DOCK11: variants seen among roughly 807,000 people sequenced by gnomAD.
The protein encoded by DOCK11 is dedicator of cytokinesis protein 11.
DOCK11 carries 70 observed loss-of-function variants against 169.1 expected under a neutral mutation model. The observed-to-expected ratio is 0.41, with a 90% CI of 0.34 to 0.51. The LOEUF (loss-of-function observed/expected upper bound fraction) is 0.51, where lower values mean the gene tolerates loss of function less well. Ranked by LOEUF, DOCK11 falls within the 20% of genes least tolerant of loss-of-function variation. The pLI is 0.10. For missense variants in DOCK11, 1,166 were observed against 1,538.8 expected (o/e 0.76, Z 4.05); for synonymous variants, 529 against 541.3 (o/e 0.98, Z 0.32).
At chrX:118,520,123 A>G (rs1038554975) in intron 1 of DOCK11, among the ~76,000 whole-genome samples, 3 of 112,416 alleles carry the variant, frequency 2.7e-5, no homozygotes, top group Admixed American at 1.9e-4. Flanking sequence ...GTCAGAAGAC[A>G]CTGGGAAATG....
intron 41 of DOCK11, among the ~76,000 whole-genome samples, chrX:118,649,329 C>T (rs1168309000): frequency 9.0e-6 from 1 of 111,027 alleles, no homozygotes; most frequent in African/African-American, 3.3e-5. Flanking sequence ...TAGAAGATCT[C>T]AATTGTTTTA....
chrX:118,624,727 CT>C, intron 32 of DOCK11, 72 bp downstream of exon 32: 5 of 525,951 alleles, frequency 9.5e-6, no homozygotes, highest in Non-Finnish European at 1.5e-5. Context: ...GGGTCATATG[CT>C]ATATGATCTC....
Position 118,542,715 on chromosome X carries a change from T to A in DOCK11, c.103-10T>A. On this transcript the variant is annotated splice_polypyrimidine_tract_variant and intron_variant, in intron 1 of 52. Coordinates refer to ENST00000276202, the MANE Select transcript of DOCK11 (RefSeq NM_144658.4). The stretch of plus-strand genomic sequence containing the variant: ...TGATCATAATAACTTTACTTTTGTC[T>A]CTTATAAAGGAAAAGGCCAAAGTTG... The A allele has an allele frequency of 6.9e-6, 8 of 1,166,746 alleles. No individual in the cohort carries two copies. The highest frequency in any genetic ancestry group is 9.3e-6 in the Non-Finnish European group (8 of 858,440).
intron 6 of DOCK11, among the ~76,000 whole-genome samples, chrX:118,548,671 G>T (rs1385107617): frequency 9.0e-6 from 1 of 111,473 alleles, no homozygotes; most frequent in East Asian, 2.8e-4. Flanking sequence ...AGCCGGAAAA[G>T]GTAAGAAAAT....
chrX:118,533,854 A>T (rs2011664144), intron 1 of DOCK11, among the ~76,000 whole-genome samples: 2 of 112,416 alleles, frequency 1.8e-5, no homozygotes, highest in African/African-American at 3.2e-5. Context: ...GTTATAAAAT[A>T]GTTGATAGGC....
intron 51 of DOCK11, among the ~76,000 whole-genome samples, chrX:118,682,246 T>C (rs2016763070): frequency 9.1e-6 from 1 of 110,475 alleles, no homozygotes; most frequent in Admixed American, 9.7e-5. Flanking sequence ...TTGTCTTCAG[T>C]GAGCGGCTCT....
intron 6 of DOCK11, among the ~76,000 whole-genome samples, chrX:118,553,486 G>A (rs1033408498): frequency 3.6e-5 from 4 of 111,674 alleles, no homozygotes; most frequent in Non-Finnish European, 7.5e-5. Context: ...GCAATTAAAC[G>A]CTGAAGTGCC....
rs377130374 is a variant in DOCK11, at chrX:118,610,306, A to G, written c.2984A>G (p.His995Arg). ...PRGQRFPETY[H>R]HVLHSLLLAI... is the part of the protein sequence containing the mutation. Reference sequence around the variant, plus strand: ...GGCCAGAGATTTCCCGAGACATATCATCATGTCTTACATTCACTGCTTCTT... The same window carrying G: ...GGCCAGAGATTTCCCGAGACATATCGTCATGTCTTACATTCACTGCTTCTT... Residue 995 changes from histidine (H) to arginine (R), a missense_variant, in exon 28 of 53, where the codon CAT (histidine) becomes CGT (arginine). His to Arg is a conservative substitution (Grantham distance 29, BLOSUM62 0). Coordinates refer to ENST00000276202, the MANE Select transcript of DOCK11 (RefSeq NM_144658.4). 8.3e-7 allele frequency: 1 copy of G among 1,210,847 alleles called. No individual in the cohort carries two copies. The highest frequency in any genetic ancestry group is 1.1e-6 in the Non-Finnish European group (1 of 894,703).
intron 45 of DOCK11, among the ~76,000 whole-genome samples, chrX:118,667,208 G>A (rs974891445): frequency 9.0e-6 from 1 of 110,785 alleles, no homozygotes; most frequent in Non-Finnish European, 1.9e-5. Flanking sequence ...GAAAATTTTG[G>A]TTTTGGTTGT....
At chrX:118,679,205 G>A (rs2016682643) in intron 48 of DOCK11, among the ~76,000 whole-genome samples, 1 of 111,533 alleles carries the variant, frequency 9.0e-6, no homozygotes, top group Admixed American at 9.6e-5. Context: ...TCAGATTACA[G>A]GCATGAACCA....
Position 118,593,326 on chromosome X carries a change from T to C in DOCK11, c.2252T>C (p.Val751Ala). 8.3e-7 allele frequency: 1 copy of C among 1,202,953 alleles called. No homozygotes were observed. Among genetic ancestry groups the C allele is most frequent in the Non-Finnish European group, 1.1e-6 (1 of 892,377 alleles). Residue 751 changes from valine to alanine, a missense_variant, in exon 20 of 53, where the codon GTT becomes GCT. Coordinates refer to ENST00000276202, the MANE Select transcript of DOCK11 (RefSeq NM_144658.4). Reference sequence around the variant, plus strand: ...GGAACAACCAAAAAGCAAGACACAGTTGAAACTCCAGGTACGTGTTCTCTT... The same window carrying C: ...GGAACAACCAAAAAGCAAGACACAGCTGAAACTCCAGGTACGTGTTCTCTT... ...TKGTTKKQDT[V>A]ETPVGFAWVP...
intron 41 of DOCK11, among the ~76,000 whole-genome samples, chrX:118,651,512 CAAAG>C (rs780710895): frequency 4.5e-5 from 5 of 111,904 alleles, no homozygotes; most frequent in Non-Finnish European, 1.9e-5. Flanking sequence ...TGGTCAAAAA[CAAAG>C]AAAGTTGCTG....
chrX:118,607,079 CCTTTT>C (rs1483919085), intron 24 of DOCK11, among the ~76,000 whole-genome samples: 8 of 102,514 alleles, frequency 7.8e-5, no homozygotes, highest in African/African-American at 2.1e-4. Context: ...CCTTTCCTTT[CCTTTT>C]CCCTTTCCCT....
chrX:118,600,072 A>G (rs1417741832), intron 23 of DOCK11, among the ~76,000 whole-genome samples: 2 of 111,539 alleles, frequency 1.8e-5, no homozygotes, highest in Non-Finnish European at 3.8e-5. Flanking sequence ...TCATGTGAGG[A>G]TAACAATAGT....
At chrX:118,624,074 G>A (rs574816506) in intron 31 of DOCK11, among the ~76,000 whole-genome samples, 3 of 112,516 alleles carry the variant, frequency 2.7e-5, no homozygotes, top group African/African-American at 9.7e-5. Flanking sequence ...TTTCCTGAAT[G>A]AATACAGTAA....
intron 14 of DOCK11, among the ~76,000 whole-genome samples, chrX:118,583,034 G>A: frequency 8.9e-6 from 1 of 112,210 alleles, no homozygotes; most frequent in Non-Finnish European, 1.9e-5. Context: ...CAACCCAAAT[G>A]TCCAACAATG....
At chrX:118,496,526 C>A (rs1291750562) in intron 1 of DOCK11, among the ~76,000 whole-genome samples, 5 of 112,702 alleles carry the variant, frequency 4.4e-5, no homozygotes, top group African/African-American at 1.6e-4. Flanking sequence ...CACACTCTCG[C>A]GCGCACACAT....
intron 44 of DOCK11, 112 bp downstream of exon 44, chrX:118,655,073 A>G (rs1007835847): frequency 1.0e-5 from 7 of 701,915 alleles, no homozygotes; most frequent in Non-Finnish European, 1.5e-5. Flanking sequence ...AAATATGTTC[A>G]CCCTTGGCCT....
At chrX:118,509,275 CTT>C (rs11320225) in intron 1 of DOCK11, among the ~76,000 whole-genome samples, 1 of 104,731 alleles carries the variant, frequency 9.5e-6, no homozygotes, top group Non-Finnish European at 2.0e-5. Context: ...GAGTTTCTCT[CTT>C]TTTTTTTTTC....
Sources: gnomAD v4.1 joint callset for allele counts (sites outside exome capture counted in the v4.1 genomes callset) on GRCh38, gnomAD v4.1.1 for gene constraint, MANE v1.5 for transcripts, NCBI Gene and HGNC (gene_info 2026-07-23, HGNC 2026-07-21) for gene names.